ZBBX: variants seen among roughly 807,000 people sequenced by gnomAD.
ZBBX encodes zinc finger B-box domain containing.
In ZBBX, 101 loss-of-function variants were observed where a neutral mutation model predicts 108.5. That is an observed-to-expected ratio of 0.93 (90% CI 0.79 to 1.10). ZBBX has a LOEUF of 1.10. Among genes scored for constraint, ZBBX ranks in the 50% least tolerant of loss-of-function variants. The pLI, the probability that ZBBX is intolerant of heterozygous loss-of-function variation, is 0.00. For synonymous variants in ZBBX, 356 were observed against 323.4 expected (o/e 1.10, Z -1.08); for missense variants, 1,009 against 941.4 (o/e 1.07, Z -0.94).
intron 6 of ZBBX, 54 bp from the exon 7 acceptor site, chr3:167,360,777 A>G (rs957669264): frequency 4.4e-6 from 5 of 1,148,692 alleles, no homozygotes; most frequent in Admixed American, 3.0e-5. Flanking sequence ...TTATTCAACG[A>G]AAGTTGCCAA....
the ZBBX span, among the ~76,000 whole-genome samples, chr3:167,208,951 C>G: frequency 3.9e-5 from 6 of 152,150 alleles, no homozygotes; most frequent in South Asian, 1.2e-3. Context: ...ACGGGAGAGT[C>G]CCAGGCCTGA....
chr3:167,300,975 G>A (rs1017478951), intron 17 of ZBBX, among the ~76,000 whole-genome samples: 10 of 149,946 alleles, frequency 6.7e-5, no homozygotes, highest in African/African-American at 2.2e-4. Context: ...CTGTTACATA[G>A]GTAAATTTGT....
At chr3:167,344,190 G>A (rs1303076678) in intron 9 of ZBBX, among the ~76,000 whole-genome samples, 2 of 151,846 alleles carry the variant, frequency 1.3e-5, no homozygotes, top group Non-Finnish European at 2.9e-5. Context: ...AGAGAAAGGA[G>A]TATTGGTCCC....
At chr3:167,276,889 G>A (rs1194087237) in intron 20 of ZBBX, among the ~76,000 whole-genome samples, 8 of 152,180 alleles carry the variant, frequency 5.3e-5, no homozygotes, top group South Asian at 2.1e-4. Context: ...GACTAACAGC[G>A]GATCTCTCGG....
At chr3:167,191,252 G>A in the ZBBX span, among the ~76,000 whole-genome samples, 1 of 152,198 alleles carries the variant, frequency 6.6e-6, no homozygotes, top group Admixed American at 6.5e-5. Context: ...GCTAACTGTG[G>A]AGGCAACAGC....
intron 1 of ZBBX, among the ~76,000 whole-genome samples, chr3:167,394,542 A>G (rs1415975154): frequency 6.6e-6 from 1 of 151,136 alleles, no homozygotes; most frequent in Non-Finnish European, 1.5e-5. Context: ...CTGTCCTTTC[A>G]TCTCTCAAAC....
At position 167,369,155 on chromosome 3, in the gene ZBBX, T is replaced by C. The variant is rs574974428; in HGVS notation, c.69-581A>G. 1.2e-4 allele frequency among the ~76,000 whole-genome samples: 19 copies of C among 152,288 alleles called. 1 individual carries two copies. In the South Asian group the frequency reaches 3.7e-3, roughly 30 times the overall value. ...AAGAGATTTTGATAACATCTGAAAC[T>C]CACTAAGTTTTTGACAAAAGACATT... On this transcript the variant is annotated intron_variant, in intron 4 of 21. Transcript: ENST00000675490.
intron 20 of ZBBX, among the ~76,000 whole-genome samples, chr3:167,268,851 CA>C (rs1726034951): frequency 6.6e-6 from 1 of 152,122 alleles, no homozygotes; most frequent in East Asian, 1.9e-4. Context: ...TACTTCTAAA[CA>C]AAGCTTCCAG....
At chr3:167,216,325 C>T in the ZBBX span, among the ~76,000 whole-genome samples, 22 of 152,140 alleles carry the variant, frequency 1.4e-4, no homozygotes, top group East Asian at 3.9e-3. Context: ...CATTCCTATA[C>T]ACCACCGACA....
At chr3:167,278,350 T>G (rs1728080808) in intron 20 of ZBBX, among the ~76,000 whole-genome samples, 1 of 151,044 alleles carries the variant, frequency 6.6e-6, no homozygotes, top group Non-Finnish European at 1.5e-5. Flanking sequence ...GATAAACCAC[T>G]AGCAAGACTA....
At chr3:167,389,640 G>A (rs1170588960) in intron 1 of ZBBX, among the ~76,000 whole-genome samples, 1 of 152,100 alleles carries the variant, frequency 6.6e-6, no homozygotes, top group African/African-American at 2.4e-5. Context: ...GCCAGAATCT[G>A]TCATTTCCTG....
intron 20 of ZBBX, among the ~76,000 whole-genome samples, chr3:167,278,960 A>G (rs1481637623): frequency 6.6e-6 from 1 of 152,226 alleles, no homozygotes; most frequent in Non-Finnish European, 1.5e-5. Flanking sequence ...GCAAATCAAT[A>G]AATGTAATCC....
intron 20 of ZBBX, among the ~76,000 whole-genome samples, chr3:167,264,274 C>G (rs1157822117): frequency 6.6e-6 from 1 of 152,152 alleles, no homozygotes; most frequent in African/African-American, 2.4e-5. Context: ...TTGTAGTCTT[C>G]TCTTCTGTCT....
intron 20 of ZBBX, among the ~76,000 whole-genome samples, chr3:167,275,576 T>TA (rs752004548): frequency 1.3e-5 from 2 of 152,154 alleles, no homozygotes; most frequent in Non-Finnish European, 2.9e-5. Flanking sequence ...CCAACGGGCT[T>TA]AAAAAACGGC....
chr3:167,232,275 A>C, the ZBBX span, among the ~76,000 whole-genome samples: 7 of 151,842 alleles, frequency 4.6e-5, no homozygotes, highest in Non-Finnish European at 1.0e-4. Flanking sequence ...AAATCTTAAG[A>C]GGAGAGCGAT....
At chr3:167,194,165 A>T in the ZBBX span, among the ~76,000 whole-genome samples, 2 of 151,314 alleles carry the variant, frequency 1.3e-5, no homozygotes, top group Admixed American at 1.3e-4. Flanking sequence ...GGTAATGGCT[A>T]TCCCAAATAC....
the ZBBX span, among the ~76,000 whole-genome samples, chr3:167,228,497 A>T: frequency 6.6e-6 from 1 of 151,768 alleles, no homozygotes; most frequent in Non-Finnish European, 1.5e-5. Flanking sequence ...TGATGGACAA[A>T]ATCTCACACA....
chr3:167,355,331 G>C (rs962033041), intron 8 of ZBBX, among the ~76,000 whole-genome samples: 1 of 151,876 alleles, frequency 6.6e-6, no homozygotes, highest in Admixed American at 6.6e-5. Flanking sequence ...AACTCATTAC[G>C]TGTGATAACT....
At chr3:167,268,236 C>T (rs1725907553) in intron 20 of ZBBX, among the ~76,000 whole-genome samples, 1 of 151,708 alleles carries the variant, frequency 6.6e-6, no homozygotes, top group African/African-American at 2.4e-5. Flanking sequence ...TTAGATGACC[C>T]TTATGGGTTA....
Sources: gnomAD v4.1 joint callset for allele counts (sites outside exome capture counted in the v4.1 genomes callset) on GRCh38, gnomAD v4.1.1 for gene constraint, MANE v1.5 for transcripts, NCBI Gene and HGNC (gene_info 2026-07-23, HGNC 2026-07-21) for gene names.